The following ATP11C variants were observed in gnomAD, a reference collection of about 807,000 sequenced individuals.
The protein encoded by ATP11C is ATPase phospholipid transporting 11C (ATP11C blood group), also known as phospholipid-transporting ATPase IG.
ATP11C carries 36 observed loss-of-function variants against 97.4 expected under a neutral mutation model. That is an observed-to-expected ratio of 0.37 (90% confidence interval 0.28 to 0.49). The LOEUF is 0.49. ATP11C is among the 20% of genes least tolerant of loss of function. ATP11C has a pLI of 0.98. For synonymous variants in ATP11C, 275 were observed against 290.9 expected, an observed-to-expected ratio of 0.95 and a Z score of 0.56; for missense variants, 730 against 824.6, an observed-to-expected ratio of 0.89 and a Z score of 1.40.
chrX:139,869,795 A>AAATAATAATAATAAT (rs35904908), intron 1 of ATP11C, among the ~76,000 whole-genome samples: 1 of 92,347 alleles, frequency 1.1e-5, no homozygotes, highest in Non-Finnish European at 2.1e-5. Context: ...CTCTGTCTCA[A>AAATAATAATAATAAT]AATAATAATA....
chrX:139,924,277 T>C (rs762660787), intron 1 of ATP11C: 2 of 374,375 alleles, frequency 5.3e-6, no homozygotes, highest in South Asian at 4.8e-5. Context: ...TGACAAACAG[T>C]AAGTGCTTTC....
intron 28 of ATP11C, among the ~76,000 whole-genome samples, chrX:139,734,265 G>T (rs2081400435): frequency 9.2e-6 from 1 of 109,243 alleles, no homozygotes; most frequent in South Asian, 4.1e-4. Flanking sequence ...TGCTTTCTCT[G>T]GGACTTTGGC....
At chrX:139,803,418 A>G (rs997782441) in intron 6 of ATP11C, among the ~76,000 whole-genome samples, 3 of 111,093 alleles carry the variant, frequency 2.7e-5, no homozygotes, top group African/African-American at 9.8e-5. Context: ...GGAGCCCTCC[A>G]AGGACATACC....
intron 12 of ATP11C, 40 bp downstream of exon 12, chrX:139,796,233 C>G (rs2082792083): frequency 9.9e-7 from 1 of 1,012,566 alleles, no homozygotes; most frequent in Admixed American, 3.3e-5. Context: ...GATATTTTCA[C>G]TACGTTGACA....
intron 1 of ATP11C, among the ~76,000 whole-genome samples, chrX:139,829,430 A>C (rs1457175663): frequency 2.7e-5 from 3 of 112,312 alleles, no homozygotes; most frequent in Non-Finnish European, 5.6e-5. Flanking sequence ...AGAGTGTTAA[A>C]AACAGTGGTG....
chrX:139,788,028 G>T (rs770726760), intron 14 of ATP11C, among the ~76,000 whole-genome samples, 164 bp downstream of exon 14: 1 of 112,404 alleles, frequency 8.9e-6, no homozygotes, highest in African/African-American at 3.2e-5. Context: ...AACTGGTTAG[G>T]TGTGGGAATT....
chrX:139,840,442 G>T (rs1189715476), intron 1 of ATP11C, among the ~76,000 whole-genome samples: 23 of 112,335 alleles, frequency 2.0e-4, no homozygotes, highest in Non-Finnish European at 4.3e-4. Flanking sequence ...ATTTCCAGCT[G>T]ATTAAACAGT....
intron 5 of ATP11C, among the ~76,000 whole-genome samples, chrX:139,806,372 G>A (rs886984733): frequency 9.0e-6 from 1 of 111,330 alleles, no homozygotes; most frequent in Non-Finnish European, 1.9e-5. Flanking sequence ...ACAAACATTA[G>A]GAAAAAATGG....
intron 1 of ATP11C, among the ~76,000 whole-genome samples, chrX:139,837,734 T>C (rs1162750882): frequency 8.9e-6 from 1 of 112,049 alleles, no homozygotes; most frequent in African/African-American, 3.2e-5. Flanking sequence ...CTGATAGACC[T>C]CAAATTAATG....
At chrX:139,815,505 A>C (rs1281608565) in intron 4 of ATP11C, among the ~76,000 whole-genome samples, 1 of 111,933 alleles carries the variant, frequency 8.9e-6, no homozygotes, top group African/African-American at 3.2e-5. Flanking sequence ...AAGCTATGAT[A>C]AGTTGTAGAG....
intron 1 of ATP11C, among the ~76,000 whole-genome samples, chrX:139,832,927 C>G (rs1025067037): frequency 8.9e-6 from 1 of 111,789 alleles, no homozygotes; most frequent in Non-Finnish European, 1.9e-5. Context: ...AGAAAAATGC[C>G]TTGACCAGCA....
chrX:139,792,870 C>T (rs763690410), intron 12 of ATP11C, among the ~76,000 whole-genome samples: 3 of 111,836 alleles, frequency 2.7e-5, no homozygotes, highest in African/African-American at 9.7e-5. Context: ...AACTGGTGAA[C>T]GTAAGTTAAG....
Position 139,802,201 on chromosome X carries a change from CA to C in ATP11C, c.659+34del. 6.8e-6 allele frequency: 7 copies of C among 1,023,087 alleles called. No homozygotes were observed. The Middle Eastern group carries it at 1.5e-3, about 221-fold the overall frequency. The allele number at this position is 1,023,087 out of a possible 1,213,427, so 84.3% of individuals were successfully genotyped here. ...TATTAGCAAAGAGAAGCAGAGCCAA[CA>C]AACAGAAGTAAAATGAAACCAGGTG... On this transcript the variant is annotated intron_variant, in intron 7 of 29. Transcript: ENST00000682941.
chrX:139,831,436 G>C (rs2083647827), intron 1 of ATP11C, among the ~76,000 whole-genome samples: 1 of 111,253 alleles, frequency 9.0e-6, no homozygotes, highest in Non-Finnish European at 1.9e-5. Context: ...GAAAAAGACT[G>C]ACCATGAGGA....
At chrX:139,849,241 AT>A (rs1405978012) in intron 1 of ATP11C, among the ~76,000 whole-genome samples, 1 of 111,481 alleles carries the variant, frequency 9.0e-6, no homozygotes, top group Non-Finnish European at 1.9e-5. Context: ...ATCTCCCCAT[AT>A]TTTTTGACCA....
intron 1 of ATP11C, among the ~76,000 whole-genome samples, chrX:139,838,947 CA>C (rs60964664): frequency 0.19 from 17,721 of 92,909 alleles, 2,735 homozygotes; most frequent in African/African-American, 0.5. Flanking sequence ...GATTCTGTCT[CA>C]AAAAAAAAAA....
At chrX:139,879,354 A>T (rs773799871) in intron 1 of ATP11C, among the ~76,000 whole-genome samples, 1 of 111,042 alleles carries the variant, frequency 9.0e-6, no homozygotes, top group Admixed American at 9.7e-5. Flanking sequence ...AAACAAAAAA[A>T]AAATCATGCC....
At chrX:139,832,105 C>G in intron 1 of ATP11C, 1 of 1,184,989 alleles carries the variant, frequency 8.4e-7, no homozygotes, top group South Asian at 1.9e-5. Flanking sequence ...CCCAAGACCT[C>G]AAAACCCAAC....
intron 19 of ATP11C, among the ~76,000 whole-genome samples, chrX:139,773,904 A>C (rs2082301287): frequency 8.9e-6 from 1 of 112,666 alleles, no homozygotes. Flanking sequence ...AATGATGATT[A>C]AATAATAATT....
Sources: gnomAD v4.1 joint callset for allele counts (sites outside exome capture counted in the v4.1 genomes callset) on GRCh38, gnomAD v4.1.1 for gene constraint, MANE v1.5 for transcripts, NCBI Gene and HGNC (gene_info 2026-07-23, HGNC 2026-07-21) for gene names.